COX14: variants seen among roughly 807,000 people sequenced by gnomAD.
COX14 encodes the protein cytochrome c oxidase assembly factor COX14, also known as cytochrome c oxidase assembly protein COX14.
In COX14, 3 loss-of-function variants were observed where a neutral mutation model predicts 5.8. The observed-to-expected ratio is 0.51, with a 90% CI of 0.23 to 1.33. The LOEUF is 1.33. COX14 is among the 40% of genes most tolerant of loss of function. COX14 has a pLI of 0.18. For synonymous variants in COX14, 25 were observed against 26.1 expected (o/e 0.96, Z 0.13); for missense variants, 72 against 72.1 (o/e 1.00, Z 0.01).
At chr12:50,115,172 G>T (rs1305615147) in intron 1 of COX14, among the ~76,000 whole-genome samples, 1 of 150,906 alleles carries the variant, frequency 6.6e-6, no homozygotes, top group African/African-American at 2.4e-5. Flanking sequence ...CTCCCAAAGT[G>T]CTGGGATTAC....
intron 1 of COX14, among the ~76,000 whole-genome samples, chr12:50,117,911 T>G (rs1053485871): frequency 6.6e-6 from 1 of 151,672 alleles, no homozygotes; most frequent in African/African-American, 2.4e-5. Flanking sequence ...GCCCAGCTAA[T>G]TTTTTGTATT....
At chr12:50,113,105 G>T (rs1397124141) in intron 1 of COX14, among the ~76,000 whole-genome samples, 1 of 151,736 alleles carries the variant, frequency 6.6e-6, no homozygotes, top group Non-Finnish European at 1.5e-5. Flanking sequence ...CAACTCCTGA[G>T]CTCAAGCCAT....
At chr12:50,118,139 C>A (rs192931925) in intron 1 of COX14, among the ~76,000 whole-genome samples, 340 of 151,694 alleles carry the variant, frequency 2.2e-3, no homozygotes, top group Middle Eastern at 0.01. Context: ...CTCCGCCTCC[C>A]AGGTTCAAGC....
In COX14 at chr12:50,120,074, G is replaced by T. The variant is rs753434071; in HGVS notation, c.31G>T (p.Gly11Cys). The T allele has an allele frequency of 6.2e-7, 1 of 1,614,130 alleles. No homozygotes were observed. The highest frequency in any genetic ancestry group is 1.7e-5 in the Admixed American group (1 of 60,016). ...AACTGGCAAGCAGCTAGCTGACATT[G>T]GCTATAAGACCTTCTCTACCTCCAT... MPTGKQLADI[G>C]YKTFSTSMML... Residue 11 changes from glycine (G) to cysteine (C), a missense_variant, in exon 2 of 2, where the codon GGC (glycine) becomes TGC (cysteine). Coordinates refer to ENST00000550487, the MANE Select transcript of COX14 (RefSeq NM_032901.4).
chr12:50,114,892 A>G (rs1951066450), intron 1 of COX14, among the ~76,000 whole-genome samples: 1 of 141,264 alleles, frequency 7.1e-6, no homozygotes, highest in Non-Finnish European at 1.5e-5. Flanking sequence ...GTCAGCCTCC[A>G]GAGTAGTTCC....
chr12:50,120,263 G>C lies in COX14; in HGVS notation c.*46G>C. ...TGAGCAGAGAGGCCCAAGGCATGCT[G>C]TGGAGAGACTTCACCTGCCACCATT... On this transcript the variant is annotated 3_prime_UTR_variant, in exon 2 of 2. Coordinates refer to ENST00000550487, the MANE Select transcript of COX14 (RefSeq NM_032901.4). The C allele has an allele frequency of 3.3e-6, 5 of 1,521,814 alleles. No individual in the cohort carries two copies. The highest frequency in any genetic ancestry group is 3.6e-6 in the Non-Finnish European group (4 of 1,111,428). 94.3% of individuals were successfully genotyped at this position (1,521,814 alleles called of 1,614,324 possible). A position where few individuals can be genotyped will look rare whatever the true frequency, so the allele number is the denominator to read the frequency against.
intron 1 of COX14, among the ~76,000 whole-genome samples, chr12:50,115,472 C>T (rs1951072817): frequency 6.6e-6 from 1 of 152,042 alleles, no homozygotes; most frequent in South Asian, 2.1e-4. Context: ...GCCTTGGCCT[C>T]CCAAAGTGCT....
At chr12:50,118,120 C>G (rs945051611) in intron 1 of COX14, among the ~76,000 whole-genome samples, 1 of 151,162 alleles carries the variant, frequency 6.6e-6, no homozygotes, top group Non-Finnish European at 1.5e-5. Context: ...AATCTCACCT[C>G]GCTGCAACCT....
At chr12:50,112,551 G>T in intron 1 of COX14, 1 of 865,246 alleles carries the variant, frequency 1.2e-6, no homozygotes, top group Non-Finnish European at 1.4e-6. Context: ...CTCCTGCCTG[G>T]CGTCTCGACC....
chr12:50,118,336 T>A (rs988567876), intron 1 of COX14: 3 of 677,142 alleles, frequency 4.4e-6, no homozygotes, highest in African/African-American at 2.0e-5. Context: ...CGTGAGCCAC[T>A]GCATCCGGTC....
intron 1 of COX14, among the ~76,000 whole-genome samples, chr12:50,119,560 G>A (rs914175904): frequency 6.6e-6 from 1 of 152,184 alleles, no homozygotes; most frequent in Non-Finnish European, 1.5e-5. Flanking sequence ...GCGGTGTGGT[G>A]GTACACACCT....
rs375702767 is a variant in COX14 at position 50,120,213 on chromosome 12, T to G, written c.170T>G (p.Met57Arg). 6.8e-6 allele frequency: 11 copies of G among 1,613,338 alleles called. No individual in the cohort carries two copies. Among genetic ancestry groups the G allele is most frequent in the Non-Finnish European group, 8.5e-6 (10 of 1,179,844 alleles). Reference sequence around the variant, plus strand: ...GAAGAACAGAAGACCTCAGGAATCATGTAGAACTGGGGGGCTTTTTCTCCT... The same window carrying G: ...GAAGAACAGAAGACCTCAGGAATCAGGTAGAACTGGGGGGCTTTTTCTCCT... ...AAEEQKTSGI[M>R] The change falls in exon 2 of 2, where the codon ATG (methionine) becomes AGG (arginine). Residue 57 changes from methionine to arginine, a missense_variant. Met to Arg is a moderately conservative substitution (Grantham distance 91). Coordinates refer to ENST00000550487, the MANE Select transcript of COX14 (RefSeq NM_032901.4).
Position 50,118,509 on chromosome 12 carries a change from C to G in COX14, c.-8-1527C>G, listed in dbSNP as rs576140687. On this transcript the variant is annotated intron_variant, in intron 1 of 1. Transcript: ENST00000550487. ...TTTGGCCAGGCGCGGTGGCTCACGC[C>G]GTAATCCCAGCACTTTGGGAGGCCA... 146 of 841,052 alleles carry G rather than the reference C, an allele frequency of 1.7e-4. 2 individuals carry two copies. In the African/African-American group the frequency reaches 2.5e-3, roughly 14 times the overall value. The allele number at this position is 841,052 out of a possible 1,614,324, so 52.1% of individuals were successfully genotyped here.
chr12:50,113,460 C>T (rs10735822), intron 1 of COX14, among the ~76,000 whole-genome samples: 49,435 of 150,286 alleles, frequency 0.33, 8,866 homozygotes, highest in East Asian at 0.75. Context: ...CCCGCCACCA[C>T]GCCCGGCTAA....
intron 1 of COX14, among the ~76,000 whole-genome samples, chr12:50,114,335 C>T (rs932314116): frequency 2.6e-5 from 4 of 151,230 alleles, no homozygotes; most frequent in African/African-American, 7.3e-5. Flanking sequence ...CCACAACCTC[C>T]GCCTCCTGGA....
chr12:50,118,732 A>C (rs558708814), intron 1 of COX14, among the ~76,000 whole-genome samples: 3 of 152,168 alleles, frequency 2.0e-5, no homozygotes, highest in Non-Finnish European at 4.4e-5. Context: ...GTGCCACTGC[A>C]CTCCAGCCTG....
chr12:50,120,247 A>G lies in COX14; in HGVS notation c.*30A>G. On this transcript the variant is annotated 3_prime_UTR_variant, in exon 2 of 2. Coordinates refer to ENST00000550487, the MANE Select transcript of COX14 (RefSeq NM_032901.4). ...GGGGGGCTTTTTCTCCTGAGCAGAG[A>G]GGCCCAAGGCATGCTGTGGAGAGAC... 1 of 1,590,204 alleles carries G rather than the reference A, an allele frequency of 6.3e-7. No homozygotes were observed. The highest frequency in any genetic ancestry group is 2.2e-5 in the East Asian group (1 of 44,684).
intron 1 of COX14, chr12:50,112,971 C>T (rs183875583): frequency 6.9e-6 from 1 of 144,642 alleles, no homozygotes; most frequent in African/African-American, 2.7e-5. Flanking sequence ...CTTGCTTTGT[C>T]GCTCAGGCTG....
At chr12:50,120,004 T>C in intron 1 of COX14, 32 bp from the exon 2 acceptor site, 1 of 1,578,828 alleles carries the variant, frequency 6.3e-7, no homozygotes, top group Non-Finnish European at 8.7e-7. Flanking sequence ...TGAGGCCTTA[T>C]CCTCAGGTCT....
Sources: gnomAD v4.1 joint callset for allele counts (sites outside exome capture counted in the v4.1 genomes callset) on GRCh38, gnomAD v4.1.1 for gene constraint, MANE v1.5 for transcripts, NCBI Gene and HGNC (gene_info 2026-07-23, HGNC 2026-07-21) for gene names.